CAPZA2: variants seen among roughly 807,000 people sequenced by gnomAD.
The protein encoded by CAPZA2 is F-actin-capping protein subunit alpha-2.
CAPZA2 carries 13 observed loss-of-function variants against 44.0 expected under a neutral mutation model. That is an observed-to-expected ratio of 0.30 (90% CI 0.19 to 0.47). The LOEUF (loss-of-function observed/expected upper bound fraction) is 0.47, where lower values mean the gene tolerates loss of function less well. Ranked by LOEUF, CAPZA2 falls within the 20% of genes least tolerant of loss-of-function variation. The pLI is 1.00. For synonymous variants in CAPZA2, 94 were observed against 108.2 expected (o/e 0.87, Z 0.81); for missense variants, 244 against 338.6 (o/e 0.72, Z 2.19).
At chr7:116,916,185 A>T (rs770261570) in intron 9 of CAPZA2, 63 bp downstream of exon 9, 50 of 1,429,628 alleles carry the variant, frequency 3.5e-5, no homozygotes, top group Non-Finnish European at 4.2e-5. Flanking sequence ...CTGAAATTTT[A>T]ATTTCAGCCA....
chr7:116,886,122 G>C (rs543942883), intron 1 of CAPZA2: 1 of 154,780 alleles, frequency 6.5e-6, no homozygotes, highest in East Asian at 1.9e-4. Flanking sequence ...TAACAAAAAT[G>C]GTATTTAAAT....
chr7:116,868,655 A>C (rs1295816564), intron 1 of CAPZA2, among the ~76,000 whole-genome samples: 1 of 152,084 alleles, frequency 6.6e-6, no homozygotes, highest in Non-Finnish European at 1.5e-5. Flanking sequence ...AATCGCTTGG[A>C]CCCGGGAGGT....
At chr7:116,900,708 A>G (rs983005790) in intron 4 of CAPZA2, among the ~76,000 whole-genome samples, 1 of 152,190 alleles carries the variant, frequency 6.6e-6, no homozygotes, top group African/African-American at 2.4e-5. Context: ...AGCAAAGGAT[A>G]CTATCAACAG....
rs1183912647 is a variant in CAPZA2, at chr7:116,896,302, G to GAGTT, written c.156-2469_156-2466dup. ...TCAGAGCAAAATTAGCCATACTGAA[G>GAGTT]AGTTGGTATTGTCAAGTCAAGAACA... On this transcript the variant is annotated intron_variant, in intron 3 of 9. Transcript: ENST00000361183. Among the ~76,000 whole-genome samples the GAGTT allele has an allele frequency of 7.9e-5, 12 of 152,198 alleles. No individual in the cohort carries two copies. In the South Asian group the frequency reaches 8.3e-4, roughly 11 times the overall value.
At chr7:116,868,773 ACT>A (rs1474016459) in intron 1 of CAPZA2, among the ~76,000 whole-genome samples, 2 of 152,176 alleles carry the variant, frequency 1.3e-5, no homozygotes, top group Non-Finnish European at 2.9e-5. Flanking sequence ...GAGAAGGTAA[ACT>A]CAAGCAAAAA....
intron 3 of CAPZA2, among the ~76,000 whole-genome samples, chr7:116,898,046 T>C (rs1166531724): frequency 1.3e-5 from 2 of 152,174 alleles, no homozygotes; most frequent in African/African-American, 4.8e-5. Context: ...ACACCCGCTA[T>C]GAGCCAGGCA....
At position 116,920,882 on chromosome 7, in the gene CAPZA2, A is replaced by G. The variant is rs1329885411; in HGVS notation, c.*3015A>G. ...TGTAAAGCTGTTTGGGTGCAGGCAT[A>G]GAGTAGATGAAATAAATTTCACCAG... is the stretch of plus-strand genomic sequence containing the variant. On this transcript the variant is annotated 3_prime_UTR_variant, in exon 10 of 10. Transcript: ENST00000361183. 6.6e-6 allele frequency: 1 copy of G among 152,306 alleles called. No individual in the cohort carries two copies. The highest frequency in any genetic ancestry group is 1.5e-5 in the Non-Finnish European group (1 of 68,108). 9.4% of individuals were successfully genotyped at this position (152,306 alleles called of 1,614,324 possible).
intron 1 of CAPZA2, among the ~76,000 whole-genome samples, chr7:116,887,572 C>G (rs756138907): frequency 3.3e-5 from 5 of 152,152 alleles, no homozygotes; most frequent in Non-Finnish European, 7.3e-5. Flanking sequence ...TGGCTCACAC[C>G]TGTAATCCCA....
rs10717939 is a variant in CAPZA2 at position 116,913,769 on chromosome 7, ATTTTTTT to A, written c.657+1648_657+1654del. 1.3e-4 allele frequency among the ~76,000 whole-genome samples: 11 copies of A among 87,710 alleles called. 1 individual carries two copies. In the South Asian group the frequency reaches 1.3e-3, roughly 10 times the overall value. The allele number at this position is 87,710 out of a possible 152,430, so 57.5% of individuals were successfully genotyped here. A position where few individuals can be genotyped will look rare whatever the true frequency, so the allele number is the denominator to read the frequency against. ...AGGCACGTGCCACCACACCCAGCTA[ATTTTTTT>A]TTTTTTTTTTTTTTTTTTGGTAGAG... On this transcript the variant is annotated intron_variant, in intron 8 of 9. Coordinates refer to ENST00000361183, the MANE Select transcript of CAPZA2 (RefSeq NM_006136.3).
At chr7:116,874,188 G>C (rs1210625865) in intron 1 of CAPZA2, 2 of 157,004 alleles carry the variant, frequency 1.3e-5, no homozygotes, top group African/African-American at 4.8e-5. Context: ...TTTGATCACA[G>C]CTTCTCATAT....
chr7:116,890,573 T>C (rs1482599576), intron 2 of CAPZA2, among the ~76,000 whole-genome samples: 3 of 19,678 alleles, frequency 1.5e-4, no homozygotes, highest in East Asian at 1.1e-3. Flanking sequence ...TATATACACA[T>C]ATATATATAT....
At chr7:116,864,820 G>A (rs1041499977) in intron 1 of CAPZA2, among the ~76,000 whole-genome samples, 2 of 152,042 alleles carry the variant, frequency 1.3e-5, no homozygotes, top group African/African-American at 2.4e-5. Flanking sequence ...GTGGAGGATC[G>A]CTTGAGCCCA....
intron 5 of CAPZA2, 173 bp downstream of exon 5, chr7:116,904,556 A>T (rs1175429296): frequency 1.8e-6 from 1 of 566,984 alleles, no homozygotes. Context: ...TAATAAATAG[A>T]TATACTAGGA....
chr7:116,887,339 T>TA (rs1187264101), intron 1 of CAPZA2, among the ~76,000 whole-genome samples: 2 of 151,120 alleles, frequency 1.3e-5, no homozygotes, highest in African/African-American at 4.9e-5. Flanking sequence ...CCAGCCTGGA[T>TA]AACATAGTGA....
intron 5 of CAPZA2, among the ~76,000 whole-genome samples, chr7:116,905,853 CT>C (rs1791491801): frequency 6.6e-6 from 1 of 152,116 alleles, no homozygotes; most frequent in Admixed American, 6.6e-5. Context: ...TTTTAAGTGA[CT>C]AAAGAAACAG....
chr7:116,886,976 GT>G (rs1239407516), intron 1 of CAPZA2, among the ~76,000 whole-genome samples: 1 of 152,190 alleles, frequency 6.6e-6, no homozygotes, highest in Non-Finnish European at 1.5e-5. Context: ...TAGCACACCT[GT>G]TGATGTTCAA....
chr7:116,868,915 T>C lies in CAPZA2; in HGVS notation c.39+6265T>C, dbSNP rs946065311. Among the ~76,000 whole-genome samples, 30 of 152,232 alleles carry C rather than the reference T, an allele frequency of 2.0e-4. 1 individual carries two copies. The highest frequency in any genetic ancestry group is 4.4e-5 in the Non-Finnish European group (3 of 68,040). On this transcript the variant is annotated intron_variant, in intron 1 of 9. Coordinates refer to ENST00000361183, the MANE Select transcript of CAPZA2 (RefSeq NM_006136.3). Reference sequence around the variant, plus strand: ...GCAGCTGTAGCATTAGTGGAGTTTTTCAGACTTTGTACATTAAAGTAAATT... The same window carrying C: ...GCAGCTGTAGCATTAGTGGAGTTTTCCAGACTTTGTACATTAAAGTAAATT...
chr7:116,874,208 T>C (rs2115880220), intron 1 of CAPZA2: 1 of 155,674 alleles, frequency 6.4e-6, no homozygotes, highest in East Asian at 1.9e-4. Context: ...TCAAATATGC[T>C]TTACCTTCCA....
At chr7:116,865,749 T>A (rs1297797546) in intron 1 of CAPZA2, among the ~76,000 whole-genome samples, 1 of 152,132 alleles carries the variant, frequency 6.6e-6, no homozygotes, top group East Asian at 1.9e-4. Context: ...CCAGCAAATT[T>A]AAAAAAATTT....
Sources: gnomAD v4.1 joint callset for allele counts (sites outside exome capture counted in the v4.1 genomes callset) on GRCh38, gnomAD v4.1.1 for gene constraint, MANE v1.5 for transcripts, NCBI Gene and HGNC (gene_info 2026-07-23, HGNC 2026-07-21) for gene names.